PJA2: variants seen among roughly 807,000 people sequenced by gnomAD.
PJA2 encodes the protein praja ring finger ubiquitin ligase 2, also known as E3 ubiquitin-protein ligase Praja-2.
Under a neutral mutation model 69.3 loss-of-function variants are expected in PJA2, and 25 were observed. The observed-to-expected ratio is 0.36, with a 90% CI of 0.26 to 0.50. The LOEUF is 0.50. PJA2 is among the 20% of genes least tolerant of loss of function. The pLI, the probability that PJA2 is intolerant of heterozygous loss-of-function variation, is 0.96. For missense variants in PJA2, 809 were observed against 830.2 expected, an observed-to-expected ratio of 0.97 and a Z score of 0.31; for synonymous variants, 308 against 277.8, an observed-to-expected ratio of 1.11 and a Z score of -1.08.
chr5:109,341,380 G>C (rs930494664), intron 9 of PJA2, among the ~76,000 whole-genome samples: 1 of 148,212 alleles, frequency 6.7e-6, no homozygotes, highest in African/African-American at 2.5e-5. Context: ...CCCCGTCTGA[G>C]AAGTGAGGAG....
intron 9 of PJA2, among the ~76,000 whole-genome samples, chr5:109,340,128 C>T (rs1472470598): frequency 6.6e-6 from 1 of 152,030 alleles, no homozygotes; most frequent in Admixed American, 6.6e-5. Flanking sequence ...GTAACTTGCA[C>T]CATAAGTTTT....
chr5:109,381,687 A>G lies in PJA2; in HGVS notation c.48T>C (p.Ser16=). The change falls in exon 3 of 10, where the codon TCT becomes TCC. Residue 16 remains serine (S), a synonymous_variant. Transcript: ENST00000361189. ...CTGGTTTGGGCCAGACAGCCTTACC[A>G]GATTCTTGGTCCATTGCTGAAAAAA... The part of the protein sequence containing the change: ...EKEPAAMDQE[S]GKAVWPKPAG... 1 of 1,613,802 alleles carries G rather than the reference A, an allele frequency of 6.2e-7. No individual in the cohort carries two copies. Among genetic ancestry groups the G allele is most frequent in the South Asian group, 1.1e-5 (1 of 91,062 alleles).
chr5:109,403,339 A>G (rs1265126260), intron 1 of PJA2, among the ~76,000 whole-genome samples: 1 of 152,082 alleles, frequency 6.6e-6, no homozygotes, highest in Admixed American at 6.5e-5. Flanking sequence ...AGATAACCCT[A>G]ATAATCCTGT....
At chr5:109,352,586 CT>C (rs1762271640) in intron 7 of PJA2, among the ~76,000 whole-genome samples, 1 of 152,042 alleles carries the variant, frequency 6.6e-6, no homozygotes, top group Admixed American at 6.6e-5. Flanking sequence ...TTCTTTCTGA[CT>C]TTTTTCCTAG....
intron 4 of PJA2, among the ~76,000 whole-genome samples, chr5:109,377,942 C>A (rs181433183): frequency 1.6e-4 from 25 of 152,298 alleles, no homozygotes; most frequent in African/African-American, 5.8e-4. Context: ...ATACCATGAA[C>A]TAGCATCTCT....
chr5:109,338,773 T>C (rs1761990517), intron 9 of PJA2, among the ~76,000 whole-genome samples: 1 of 152,142 alleles, frequency 6.6e-6, no homozygotes, highest in African/African-American at 2.4e-5. Context: ...TACTAGCTAT[T>C]TAAACTTAGA....
intron 3 of PJA2, among the ~76,000 whole-genome samples, chr5:109,381,296 A>G (rs1747042244): frequency 6.6e-6 from 1 of 152,142 alleles, no homozygotes; most frequent in South Asian, 2.1e-4. Context: ...TATTTTAATG[A>G]TTGGCTGTAT....
intron 1 of PJA2, among the ~76,000 whole-genome samples, chr5:109,391,770 GACAGAT>G (rs1747287610): frequency 6.6e-6 from 1 of 152,094 alleles, no homozygotes; most frequent in Non-Finnish European, 1.5e-5. Flanking sequence ...TTAGATGGTT[GACAGAT>G]ACAAAGTCAA....
In PJA2 at chr5:109,378,336, A is replaced by G. The variant is rs1746943169; in HGVS notation, c.1151T>C (p.Ile384Thr). 1.9e-6 allele frequency: 3 copies of G among 1,614,128 alleles called. No homozygotes were observed. The highest frequency in any genetic ancestry group is 3.3e-4 in the Middle Eastern group (2 of 6,062). ...MFLDPPYSRVITQRETENNQM... is the reference protein window; with the variant it reads ...MFLDPPYSRVTTQRETENNQM... ...GTTATTTTCTGTTTCCCTTTGTGTA[A>G]TAACTCTTGAGTATGGTGGATCCAA... The change falls in exon 4 of 10, where the codon ATT becomes ACT. Residue 384 changes from isoleucine (I) to threonine (T), a missense_variant. Physicochemically the swap from Ile to Thr is moderately conservative, Grantham distance 89. Coordinates refer to ENST00000361189, the MANE Select transcript of PJA2 (RefSeq NM_014819.5).
At chr5:109,341,841 C>G (rs1156364379) in intron 9 of PJA2, among the ~76,000 whole-genome samples, 1 of 103,778 alleles carries the variant, frequency 9.6e-6, no homozygotes, top group Non-Finnish European at 2.2e-5. Context: ...GTCAGCCCCC[C>G]GCCTGGCCAG....
At position 109,378,371 on chromosome 5, in the gene PJA2, G is replaced by C. The variant is rs1341157034; in HGVS notation, c.1116C>G (p.Asp372Glu). 4 of 1,614,024 alleles carry C rather than the reference G, an allele frequency of 2.5e-6. No homozygotes were observed. Among genetic ancestry groups the C allele is most frequent in the Non-Finnish European group, 2.5e-6 (3 of 1,180,022 alleles). ...AGTATGGTGGATCCAAGAACATACA[G>C]TCATGCTCTCCATCATATTCTTCAC... is the stretch of plus-strand genomic sequence containing the variant. ...IKCEEYDGEH[D>E]CMFLDPPYSR... Residue 372 changes from aspartate to glutamate, a missense_variant, in exon 4 of 10, where the codon GAC becomes GAG. Transcript: ENST00000361189.
At chr5:109,384,025 T>A (rs192497289) in intron 1 of PJA2, among the ~76,000 whole-genome samples, 188 of 152,334 alleles carry the variant, frequency 1.2e-3, no homozygotes, top group African/African-American at 4.3e-3. Flanking sequence ...CAGATTTACA[T>A]CTGCTCTTGA....
chr5:109,409,243 C>G (rs1476539716), intron 1 of PJA2: 2 of 152,208 alleles, frequency 1.3e-5, no homozygotes, highest in Non-Finnish European at 2.9e-5. Flanking sequence ...GTGCTGATCC[C>G]GGGAGTAGAG....
rs1762602163 is a variant in PJA2, at chr5:109,367,353, C to T, written c.1469+1208G>A. Reference sequence around the variant, plus strand: ...GAAAATGTATATGCTTTGAGAAGTACAAGTTTTAATATTAGTCTACACTGA... The same window carrying T: ...GAAAATGTATATGCTTTGAGAAGTATAAGTTTTAATATTAGTCTACACTGA... On this transcript the variant is annotated intron_variant, in intron 5 of 9. Transcript: ENST00000361189. Among the ~76,000 whole-genome samples, 4 of 148,284 alleles carry T rather than the reference C, an allele frequency of 2.7e-5. No homozygotes were observed. The South Asian group carries it at 8.3e-4, about 31-fold the overall frequency.
At chr5:109,368,019 C>A (rs1002693023) in intron 5 of PJA2, among the ~76,000 whole-genome samples, 1 of 152,188 alleles carries the variant, frequency 6.6e-6, no homozygotes. Context: ...AGACTGGACA[C>A]AAAGCCATAA....
At position 109,356,029 on chromosome 5, in the gene PJA2, G is replaced by GAAA. The variant is rs199524515; in HGVS notation, c.1653-6_1653-4dup. On this transcript the variant is annotated splice_region_variant and splice_polypyrimidine_tract_variant and intron_variant, in intron 6 of 9. Coordinates refer to ENST00000361189, the MANE Select transcript of PJA2 (RefSeq NM_014819.5). ...CATCTGCAAAGCCATCAAATAGGCT[G>GAAA]AAAAAAAAAAAAAATAACAGAAAAA... 9.4e-6 allele frequency: 13 copies of GAAA among 1,386,356 alleles called. No homozygotes were observed. The highest frequency in any genetic ancestry group is 1.3e-5 in the South Asian group (1 of 78,038). 85.9% of individuals were successfully genotyped at this position (1,386,356 alleles called of 1,614,324 possible).
intron 6 of PJA2, among the ~76,000 whole-genome samples, chr5:109,358,535 G>A (rs1482852165): frequency 1.3e-5 from 2 of 152,086 alleles, no homozygotes; most frequent in African/African-American, 4.8e-5. Context: ...ACTGGGTTAG[G>A]GTCTCCCCAG....
intron 4 of PJA2, among the ~76,000 whole-genome samples, chr5:109,377,052 A>G (rs757008028): frequency 1.3e-5 from 2 of 152,154 alleles, no homozygotes; most frequent in African/African-American, 4.8e-5. Context: ...TTTAGCTTAA[A>G]AACAGTATAT....
chr5:109,348,605 C>A (rs1278241766), intron 7 of PJA2, among the ~76,000 whole-genome samples: 1 of 152,176 alleles, frequency 6.6e-6, no homozygotes, highest in Non-Finnish European at 1.5e-5. Context: ...CTGTGATAAT[C>A]TCACCTGGAG....
Sources: gnomAD v4.1 joint callset for allele counts (sites outside exome capture counted in the v4.1 genomes callset) on GRCh38, gnomAD v4.1.1 for gene constraint, MANE v1.5 for transcripts, NCBI Gene and HGNC (gene_info 2026-07-23, HGNC 2026-07-21) for gene names.